The following SYNE1 variants were observed in gnomAD, a reference collection of about 807,000 sequenced individuals.
SYNE1 encodes nesprin-1.
Under a neutral mutation model 1,111.0 loss-of-function variants are expected in SYNE1, and 616 were observed. The ratio of observed to expected loss-of-function variants is 0.55; its 90% CI spans 0.52 to 0.59. The LOEUF (loss-of-function observed/expected upper bound fraction) is 0.59, where lower values mean the gene tolerates loss of function less well. SYNE1 is among the 20% of genes least tolerant of loss of function. SYNE1 has a pLI of 0.00. For synonymous variants in SYNE1, 3,855 were observed against 3,825.8 expected, an observed-to-expected ratio of 1.01 and a Z score of -0.28; for missense variants, 10,006 against 10,417.0, an observed-to-expected ratio of 0.96 and a Z score of 1.72.
rs147268637 is a variant in SYNE1, at chr6:152,176,539, T to C, written c.23482A>G (p.Ile7828Val). Residue 7828 changes from isoleucine to valine, a missense_variant, in exon 130 of 146, where the codon ATT becomes GTT. Ile to Val is a conservative substitution (Grantham distance 29). Around this residue, in one of 7 missense-constraint regions of SYNE1, gnomAD observed 2,182 missense variants for 2,287.8 expected, o/e 0.95. Transcript: ENST00000367255. The stretch of plus-strand genomic sequence containing the variant: ...AGCTGTATTTTGTTCTCTTGAGCAA[T>C]AGCAATTTCCTCTTGATAATCCTGT... The part of the protein sequence containing the change: ...LKKDYQEEIA[I>V]AQENKIQLQQ... 1.3e-5 allele frequency: 21 copies of C among 1,613,702 alleles called. No individual in the cohort carries two copies. In the East Asian group the frequency reaches 2.2e-4, roughly 17 times the overall value.
At chr6:152,492,116 G>T (rs193074644) in intron 11 of SYNE1, among the ~76,000 whole-genome samples, 2 of 152,130 alleles carry the variant, frequency 1.3e-5, no homozygotes, top group African/African-American at 4.8e-5. Flanking sequence ...AAGTATAAAA[G>T]CCCAGCCCAG....
At chr6:152,469,410 C>T (rs1020091700) in intron 16 of SYNE1, among the ~76,000 whole-genome samples, 3 of 152,044 alleles carry the variant, frequency 2.0e-5, no homozygotes. Flanking sequence ...CACATGGGTG[C>T]TCAGTAGCTA....
At chr6:152,250,363 C>T in intron 104 of SYNE1, among the ~76,000 whole-genome samples, 1 of 152,120 alleles carries the variant, frequency 6.6e-6, no homozygotes, top group East Asian at 1.9e-4. Flanking sequence ...TAAAGCTCAA[C>T]TCAGGACCTC....
At chr6:152,588,442 G>A (rs2128487844) in intron 3 of SYNE1, among the ~76,000 whole-genome samples, 1 of 152,292 alleles carries the variant, frequency 6.6e-6, no homozygotes, top group African/African-American at 2.4e-5. Flanking sequence ...AAGTTCTTTG[G>A]TCTGGATTTT....
chr6:152,490,440 G>A (rs1033801767), intron 11 of SYNE1, among the ~76,000 whole-genome samples: 5 of 152,058 alleles, frequency 3.3e-5, no homozygotes, highest in Admixed American at 6.5e-5. Flanking sequence ...TGCCTTAACC[G>A]ATGACATTCC....
chr6:152,498,993 C>T (rs1393071610), intron 10 of SYNE1, among the ~76,000 whole-genome samples: 1 of 152,032 alleles, frequency 6.6e-6, no homozygotes, highest in African/African-American at 2.4e-5. Flanking sequence ...AACATCATTT[C>T]CTAGAATATC....
At chr6:152,253,621 C>T (rs964429370) in intron 104 of SYNE1, among the ~76,000 whole-genome samples, 7 of 151,970 alleles carry the variant, frequency 4.6e-5, no homozygotes, top group African/African-American at 1.2e-4. Context: ...ATCAGAACAA[C>T]GTCTGCAGGA....
intron 100 of SYNE1, among the ~76,000 whole-genome samples, chr6:152,262,463 C>T (rs2092137151): frequency 6.6e-6 from 1 of 152,204 alleles, no homozygotes; most frequent in Admixed American, 6.5e-5. Context: ...AGCACGATTA[C>T]AGACTAGTAT....
At chr6:152,207,636 T>G (rs1209160105) in intron 125 of SYNE1, among the ~76,000 whole-genome samples, 4 of 152,162 alleles carry the variant, frequency 2.6e-5, no homozygotes, top group Non-Finnish European at 4.4e-5. Context: ...TCAAGTTACG[T>G]GTTTAAATTG....
chr6:152,502,025 G>A (rs2154326580), intron 10 of SYNE1, among the ~76,000 whole-genome samples: 1 of 152,020 alleles, frequency 6.6e-6, no homozygotes, highest in Middle Eastern at 3.4e-3. Context: ...TCTAGTATAG[G>A]TTCTCTCTAG....
intron 4 of SYNE1, among the ~76,000 whole-genome samples, chr6:152,539,446 A>G (rs1206398703): frequency 6.6e-6 from 1 of 152,216 alleles, no homozygotes; most frequent in Admixed American, 6.5e-5. Flanking sequence ...GTCACCTAAT[A>G]TCAGTGAATG....
intron 3 of SYNE1, among the ~76,000 whole-genome samples, chr6:152,556,200 G>C (rs1181456107): frequency 6.6e-6 from 1 of 152,136 alleles, no homozygotes; most frequent in Non-Finnish European, 1.5e-5. Context: ...TGAGAGCTAA[G>C]GAATATAGTG....
chr6:152,448,197 T>C (rs2098608999), intron 28 of SYNE1, among the ~76,000 whole-genome samples: 1 of 152,182 alleles, frequency 6.6e-6, no homozygotes, highest in Non-Finnish European at 1.5e-5. Flanking sequence ...CAGCTCTAAT[T>C]TAGGAAGCGA....
At chr6:152,177,358 T>C (rs2066740854) in intron 129 of SYNE1, among the ~76,000 whole-genome samples, 1 of 152,154 alleles carries the variant, frequency 6.6e-6, no homozygotes, top group Admixed American at 6.5e-5. Flanking sequence ...CCAATGACCC[T>C]CTTACTCTCT....
At position 152,599,814 on chromosome 6, in the gene SYNE1, G is replaced by A. The variant is rs143169625; in HGVS notation, c.67+28451C>T. Reference sequence around the variant, plus strand: ...GCAATGGCATTATGAAATCATATACGTATCCTATAGCATAGAAAGTCAGAC... The same window carrying A: ...GCAATGGCATTATGAAATCATATACATATCCTATAGCATAGAAAGTCAGAC... On this transcript the variant is annotated intron_variant, in intron 3 of 145. Coordinates refer to ENST00000367255, the MANE Select transcript of SYNE1 (RefSeq NM_182961.4). Among the ~76,000 whole-genome samples the A allele has an allele frequency of 2.6e-4, 39 of 152,206 alleles. No individual in the cohort carries two copies. In the East Asian group the frequency reaches 6.4e-3, roughly 25 times the overall value.
intron 95 of SYNE1, among the ~76,000 whole-genome samples, chr6:152,288,910 G>C (rs1423763444): frequency 2.0e-5 from 3 of 152,114 alleles, no homozygotes; most frequent in Admixed American, 6.6e-5. Context: ...AAAGATGAGT[G>C]GACATTTTTG....
At position 152,236,925 on chromosome 6, in the gene SYNE1, G is replaced by T. The variant is rs1413798328; in HGVS notation, c.20091C>A (p.Asp6697Glu). 3.1e-6 allele frequency: 5 copies of T among 1,614,042 alleles called. No homozygotes were observed. Among genetic ancestry groups the T allele is most frequent in the Non-Finnish European group, 4.2e-6 (5 of 1,180,002 alleles). The change falls in exon 109 of 146, where the codon GAC becomes GAA. Residue 6697 changes from aspartate (D) to glutamate (E), a missense_variant. Physicochemically the swap from Asp to Glu is conservative, Grantham distance 45. This residue lies in a region of SYNE1 where 2,182 missense variants were observed against 2,287.8 expected (regional missense o/e 0.95). Coordinates refer to ENST00000367255, the MANE Select transcript of SYNE1 (RefSeq NM_182961.4). The part of the protein sequence containing the change: ...ILETWSHLDE[D>E]QQELSRQLEV... Reference sequence around the variant, plus strand: ...CCAGCTGTCTGCTGAGCTCCTGCTGGTCCTCATCCAGATGGGACCACGTCT... The same window carrying T: ...CCAGCTGTCTGCTGAGCTCCTGCTGTTCCTCATCCAGATGGGACCACGTCT...
intron 38 of SYNE1, among the ~76,000 whole-genome samples, chr6:152,427,388 C>T (rs1004049256): frequency 4.6e-5 from 7 of 152,302 alleles, no homozygotes; most frequent in African/African-American, 1.7e-4. Context: ...CATCTATATT[C>T]CTACCCATCC....
chr6:152,416,622 T>C lies in SYNE1; in HGVS notation c.5815A>G (p.Ile1939Val). The stretch of plus-strand genomic sequence containing the variant: ...GAAGTCCTTTGCTCAGAGCTCCCGA[T>C]TTTCAGATGGTATTGGGCTTTGGAA... ...ILSKAQYHLK[I>V]GSSEQRTSCR... is the part of the protein sequence containing the mutation. Residue 1939 changes from isoleucine (I) to valine (V), a missense_variant, in exon 41 of 146, where the codon ATC (isoleucine) becomes GTC (valine). Ile to Val is a conservative substitution (Grantham distance 29). Around this residue, in one of 7 missense-constraint regions of SYNE1, gnomAD observed 4,955 missense variants for 5,017.2 expected, o/e 0.99. Coordinates refer to ENST00000367255, the MANE Select transcript of SYNE1 (RefSeq NM_182961.4). 6.2e-7 allele frequency: 1 copy of C among 1,614,152 alleles called. No homozygotes were observed. The highest frequency in any genetic ancestry group is 8.5e-7 in the Non-Finnish European group (1 of 1,180,022).
Sources: gnomAD v4.1 joint callset for allele counts (sites outside exome capture counted in the v4.1 genomes callset) on GRCh38, gnomAD v4.1.1 for gene constraint, gnomAD v4.1.1 regional missense constraint, MANE v1.5 for transcripts, NCBI Gene and HGNC (gene_info 2026-07-23, HGNC 2026-07-21) for gene names.